The following TOX variants were observed in gnomAD, a reference collection of about 807,000 sequenced individuals.
TOX encodes the protein thymocyte selection associated high mobility group box, also known as thymocyte selection-associated high mobility group box protein TOX.
A neutral mutation model predicts 53.7 loss-of-function variants in TOX; 11 were observed. That is an observed-to-expected ratio of 0.20 (90% confidence interval 0.13 to 0.34). The LOEUF is 0.34. TOX is among the 10% of genes least tolerant of loss of function. TOX has a pLI of 1.00. For missense variants in TOX, 570 were observed against 664.6 expected (o/e 0.86, Z 1.56); for synonymous variants, 225 against 245.3 (o/e 0.92, Z 0.77).
At chr8:58,957,038 G>A (rs547992239) in intron 2 of TOX, among the ~76,000 whole-genome samples, 2 of 152,308 alleles carry the variant, frequency 1.3e-5, no homozygotes, top group South Asian at 4.1e-4. Flanking sequence ...AACATGACAA[G>A]TTCAGAATGG....
intron 1 of TOX, among the ~76,000 whole-genome samples, chr8:58,972,012 A>G (rs1339476893): frequency 6.6e-6 from 1 of 152,156 alleles, no homozygotes; most frequent in Admixed American, 6.5e-5. Flanking sequence ...TTTTATCTTT[A>G]TGTAAATGCA....
At chr8:58,838,060 A>C (rs1455404983) in intron 5 of TOX, 21 bp downstream of exon 5, 1 of 1,609,550 alleles carries the variant, frequency 6.2e-7, no homozygotes, top group Non-Finnish European at 8.5e-7. Flanking sequence ...GTAGATTCCC[A>C]TTCCACTGGG....
chr8:58,900,218 A>AT (rs942391376), intron 3 of TOX, among the ~76,000 whole-genome samples: 4 of 152,170 alleles, frequency 2.6e-5, no homozygotes, highest in East Asian at 3.9e-4. Flanking sequence ...CAACATAACT[A>AT]TTTTTTTCAA....
intron 3 of TOX, among the ~76,000 whole-genome samples, chr8:58,874,334 G>A (rs6983324): frequency 6.6e-6 from 1 of 152,090 alleles, no homozygotes; most frequent in Admixed American, 6.6e-5. Flanking sequence ...TTTGTTTTAG[G>A]GAAGGAAAGA....
chr8:59,040,139 G>T (rs553786980), intron 1 of TOX, among the ~76,000 whole-genome samples: 2 of 151,874 alleles, frequency 1.3e-5, no homozygotes, highest in Admixed American at 1.3e-4. Context: ...ACCATCCCGG[G>T]TAAAACGGTG....
In TOX at chr8:58,815,484, A is replaced by G; in HGVS notation, c.1246T>C (p.Ser416Pro). 1 of 1,613,792 alleles carries G rather than the reference A, an allele frequency of 6.2e-7. No individual in the cohort carries two copies. Among genetic ancestry groups the G allele is most frequent in the Middle Eastern group, 1.7e-4 (1 of 6,050 alleles). ...CTGATCTGGAGGGGAGGAGGAGGGGACACAGCCATGTTTGCTATAGAGACA... is the reference window on the plus strand; with the variant it reads ...CTGATCTGGAGGGGAGGAGGAGGGGGCACAGCCATGTTTGCTATAGAGACA... ...VTVSIANMAV[S>P]PPPPLQISPP... is the part of the protein sequence containing the mutation. The change falls in exon 7 of 9, where the codon TCC (serine) becomes CCC (proline). Residue 416 changes from serine to proline, a missense_variant. Transcript: ENST00000361421.
At chr8:59,092,547 A>G (rs1804643206) in intron 1 of TOX, among the ~76,000 whole-genome samples, 3 of 151,408 alleles carry the variant, frequency 2.0e-5, no homozygotes, top group Non-Finnish European at 2.9e-5. Flanking sequence ...AAATCTTTAA[A>G]TGGCTTCTCA....
intron 1 of TOX, among the ~76,000 whole-genome samples, chr8:59,015,653 A>T (rs1369148154): frequency 2.0e-5 from 3 of 152,242 alleles, no homozygotes; most frequent in African/African-American, 7.2e-5. Context: ...ACAGTGCTTT[A>T]TCTATTGGTT....
At chr8:59,049,253 C>T (rs1207208414) in intron 1 of TOX, among the ~76,000 whole-genome samples, 1 of 152,126 alleles carries the variant, frequency 6.6e-6, no homozygotes, top group Non-Finnish European at 1.5e-5. Context: ...CTAACAAATG[C>T]TACTCAGACT....
intron 3 of TOX, among the ~76,000 whole-genome samples, chr8:58,880,994 A>G (rs927011920): frequency 6.6e-6 from 1 of 151,972 alleles, no homozygotes; most frequent in African/African-American, 2.4e-5. Context: ...GGCCTCCTAT[A>G]TAGGAGGCAT....
chr8:58,961,596 C>A (rs1436226805), intron 1 of TOX, among the ~76,000 whole-genome samples: 1 of 151,806 alleles, frequency 6.6e-6, no homozygotes, highest in Non-Finnish European at 1.5e-5. Context: ...GGCGCGATCG[C>A]AGCTCACTGC....
chr8:59,037,619 T>C (rs1372935344), intron 1 of TOX, among the ~76,000 whole-genome samples: 2 of 151,970 alleles, frequency 1.3e-5, no homozygotes, highest in Non-Finnish European at 2.9e-5. Flanking sequence ...CTGGCCAACA[T>C]GGTGAAACCT....
intron 3 of TOX, among the ~76,000 whole-genome samples, chr8:58,920,721 T>TAAAAAAAAAAAAAAAAAAAAAAA (rs5891703): frequency 1.2e-5 from 1 of 81,038 alleles, no homozygotes; most frequent in Admixed American, 1.6e-4. Flanking sequence ...AAAAAAACAT[T>TAAAAAAAAAAAAAAAAAAAAAAA]AAAAAAAAAA....
chr8:58,953,980 T>C (rs1291975334), intron 2 of TOX, among the ~76,000 whole-genome samples: 4 of 152,082 alleles, frequency 2.6e-5, no homozygotes, highest in Non-Finnish European at 5.9e-5. Flanking sequence ...AAATAGAGAG[T>C]CATTAATTTC....
At chr8:58,958,940 T>C (rs1812753828) in intron 2 of TOX, among the ~76,000 whole-genome samples, 1 of 152,184 alleles carries the variant, frequency 6.6e-6, no homozygotes, top group South Asian at 2.1e-4. Context: ...ACTGACAACC[T>C]TAATGAAGAA....
chr8:58,988,161 T>A (rs1295115162), intron 1 of TOX, among the ~76,000 whole-genome samples: 1 of 152,212 alleles, frequency 6.6e-6, no homozygotes, highest in Admixed American at 6.5e-5. Flanking sequence ...AATTTCACCA[T>A]TGCAAAGACT....
chr8:58,891,579 G>A (rs1811562300), intron 3 of TOX, among the ~76,000 whole-genome samples: 1 of 152,130 alleles, frequency 6.6e-6, no homozygotes, highest in Non-Finnish European at 1.5e-5. Flanking sequence ...CACGCCACCC[G>A]ACTGCCTATG....
intron 5 of TOX, among the ~76,000 whole-genome samples, chr8:58,834,158 T>C (rs1810509473): frequency 6.6e-6 from 1 of 152,218 alleles, no homozygotes. Flanking sequence ...CCGTTTTTCC[T>C]TAAATATTGT....
At chr8:59,113,954 C>T (rs941290459) in intron 1 of TOX, among the ~76,000 whole-genome samples, 1 of 152,178 alleles carries the variant, frequency 6.6e-6, no homozygotes, top group Non-Finnish European at 1.5e-5. Flanking sequence ...CTCCCCACTA[C>T]CTTCGTCATT....
Sources: gnomAD v4.1 joint callset for allele counts (sites outside exome capture counted in the v4.1 genomes callset) on GRCh38, gnomAD v4.1.1 for gene constraint, MANE v1.5 for transcripts, NCBI Gene and HGNC (gene_info 2026-07-23, HGNC 2026-07-21) for gene names.